The following FLII variants were observed in gnomAD, a reference collection of about 807,000 sequenced individuals.
FLII encodes FLII actin remodeling protein.
In FLII, 101 loss-of-function variants were observed where a neutral mutation model predicts 156.2. That is an observed-to-expected ratio of 0.65 (90% CI 0.55 to 0.76). The LOEUF is 0.76. Ranked by LOEUF, FLII falls within the 30% of genes least tolerant of loss-of-function variation. The probability of loss-of-function intolerance (pLI) is 0.00; values close to 1 mark genes in which losing one functional copy is unlikely to be tolerated. For missense variants in FLII, 1,675 were observed against 1,682.8 expected, an observed-to-expected ratio of 1.00 and a Z score of 0.08; for synonymous variants, 767 against 685.8, an observed-to-expected ratio of 1.12 and a Z score of -1.85.
rs766684929 is a variant in FLII, at chr17:18,255,296, G to A, written c.247-33C>T. Reference sequence around the variant, plus strand: ...TAAACCATAAGAGTCTATAATTCCTGGCTTCCACTCTCAGGAAGGAACAGA... The same window carrying A: ...TAAACCATAAGAGTCTATAATTCCTAGCTTCCACTCTCAGGAAGGAACAGA... On this transcript the variant is annotated intron_variant, in intron 3 of 29. Coordinates refer to ENST00000327031, the MANE Select transcript of FLII (RefSeq NM_002018.4). 3.8e-6 allele frequency: 6 copies of A among 1,566,220 alleles called. No homozygotes were observed. The South Asian group carries it at 5.6e-5, about 15-fold the overall frequency.
intron 11 of FLII, 37 bp downstream of exon 11, chr17:18,251,962 G>A: frequency 3.1e-6 from 5 of 1,605,878 alleles, no homozygotes; most frequent in Non-Finnish European, 3.4e-6. Context: ...GCCTGGAGAG[G>A]AGCCCCCGTT....
chr17:18,246,487 C>T, intron 23 of FLII, 25 bp from the exon 24 acceptor site: 1 of 1,613,316 alleles, frequency 6.2e-7, no homozygotes, highest in Non-Finnish European at 8.5e-7. Context: ...GTGTTAGGGG[C>T]AGCTCCCTGG....
chr17:18,254,584 C>T lies in FLII; in HGVS notation c.512G>A (p.Arg171His), dbSNP rs368159873. The stretch of plus-strand genomic sequence containing the variant: ...GAGCGTCTGCAGGTGCACCAGGCGG[C>T]GCATCTGCGGGGGCAGGCTCTCCAG... ...NRLESLPPQMRRLVHLQTLVL... is the reference protein window; with the variant it reads ...NRLESLPPQMHRLVHLQTLVL... The change falls in exon 6 of 30, where the codon CGC becomes CAC. Residue 171 changes from arginine (R) to histidine (H), a missense_variant. Transcript: ENST00000327031. 3.1e-6 allele frequency: 5 copies of T among 1,613,612 alleles called. No homozygotes were observed. Among genetic ancestry groups the T allele is most frequent in the Non-Finnish European group, 3.4e-6 (4 of 1,179,930 alleles).
At chr17:18,251,196 T>C (rs2071242) in intron 13 of FLII, 69 bp downstream of exon 13, 357,855 of 1,535,390 alleles carry the variant, frequency 0.23, 42,476 homozygotes, top group Middle Eastern at 0.28. Flanking sequence ...AACTCTGGAG[T>C]TGGGGACTGA....
At chr17:18,254,946 T>G in intron 4 of FLII, 92 bp from the exon 5 acceptor site, 13 of 1,319,622 alleles carry the variant, frequency 9.9e-6, no homozygotes, top group Non-Finnish European at 1.4e-5. Context: ...CTGAGTTGGG[T>G]GTGGGGGTAG....
rs767386496 is a variant in FLII, at chr17:18,245,437, G to T, written c.3610-18C>A. On this transcript the variant is annotated intron_variant, in intron 28 of 29. Transcript: ENST00000327031. ...ATGTAGACCTGTGGGGGCAGCAGGG[G>T]AGATACGGTTGCATGGGTGCCTGGG... 1 of 1,613,754 alleles carries T rather than the reference G, an allele frequency of 6.2e-7. No homozygotes were observed. The highest frequency in any genetic ancestry group is 1.3e-5 in the African/African-American group (1 of 74,936).
chr17:18,244,941 T>G lies in FLII; in HGVS notation c.*197A>C. On this transcript the variant is annotated 3_prime_UTR_variant, in exon 30 of 30. Coordinates refer to ENST00000327031, the MANE Select transcript of FLII (RefSeq NM_002018.4). Reference sequence around the variant, plus strand: ...GGGCTTCACACGTGCACTCACACTGTGGAGAGAGTTGGATTTCCCAGACCC... The same window carrying G: ...GGGCTTCACACGTGCACTCACACTGGGGAGAGAGTTGGATTTCCCAGACCC... 1 of 640,126 alleles carries G rather than the reference T, an allele frequency of 1.6e-6. No homozygotes were observed. The highest frequency in any genetic ancestry group is 2.8e-6 in the Non-Finnish European group (1 of 363,324). 39.7% of individuals were successfully genotyped at this position (640,126 alleles called of 1,614,324 possible).
rs148630982 is a variant in FLII, at chr17:18,247,264, C to T, written c.2581G>A (p.Gly861Arg). 11 of 1,611,618 alleles carry T rather than the reference C, an allele frequency of 6.8e-6. No individual in the cohort carries two copies. The highest frequency in any genetic ancestry group is 5.3e-5 in the African/African-American group (4 of 74,810). Residue 861 changes from glycine to arginine, a missense_variant, in exon 21 of 30, where the codon GGG becomes AGG. Transcript: ENST00000327031. ...TTCTCGGCGTCGCGTTTCACCTTCC[C>T]GGAGAGACCCGGGCTCTGCAGCACG... ...EAVLQSPGLS[G>R]KVKRDAEKKD... is the part of the protein sequence containing the mutation.
chr17:18,250,018 G>A (rs1044639139), intron 14 of FLII, among the ~76,000 whole-genome samples: 1 of 152,092 alleles, frequency 6.6e-6, no homozygotes, highest in African/African-American at 2.4e-5. Context: ...CTACTTGGGA[G>A]GCTGAGGCAG....
chr17:18,245,136 T>C lies in FLII; in HGVS notation c.*2A>G. On this transcript the variant is annotated 3_prime_UTR_variant, in exon 30 of 30. Transcript: ENST00000327031. ...CCAAGCCTGGGGCTGTGCCAGCCTG[T>C]CTTAGGCCAGGGCCTTGCAGAAGGC... 1 of 1,611,036 alleles carries C rather than the reference T, an allele frequency of 6.2e-7. No individual in the cohort carries two copies. Among genetic ancestry groups the C allele is most frequent in the Middle Eastern group, 1.7e-4 (1 of 6,044 alleles).
chr17:18,249,550 G>A, intron 14 of FLII, 142 bp from the exon 15 acceptor site: 3 of 677,870 alleles, frequency 4.4e-6, no homozygotes, highest in Non-Finnish European at 7.9e-6. Flanking sequence ...AGCACTTCAG[G>A]AGTCTGAGGT....
rs762906341 is a variant in FLII, at chr17:18,247,270, G to C, written c.2575C>G (p.Leu859Val). 2.5e-6 allele frequency: 4 copies of C among 1,612,092 alleles called. No homozygotes were observed. The highest frequency in any genetic ancestry group is 2.2e-5 in the South Asian group (2 of 91,056). Residue 859 changes from leucine (L) to valine (V), a missense_variant, in exon 21 of 30, where the codon CTC becomes GTC. By Grantham distance (32) the Leu-to-Val change is conservative. This residue lies in a region of FLII where 1,332 missense variants were observed against 1,269.3 expected (regional missense o/e 1.05). Transcript: ENST00000327031. ...GCGTCGCGTTTCACCTTCCCGGAGAGACCCGGGCTCTGCAGCACGGCCTCC... is the reference window on the plus strand; with the variant it reads ...GCGTCGCGTTTCACCTTCCCGGAGACACCCGGGCTCTGCAGCACGGCCTCC... ...NAEAVLQSPG[L>V]SGKVKRDAEK...
Position 18,253,348 on chromosome 17 carries a change from G to T in FLII, c.966C>A (p.Phe322Leu). 2 of 1,613,946 alleles carry T rather than the reference G, an allele frequency of 1.2e-6. No homozygotes were observed. Among genetic ancestry groups the T allele is most frequent in the Non-Finnish European group, 1.7e-6 (2 of 1,180,032 alleles). Reference protein sequence around the residue: ...GIGKLTNLEEFMAANNNLELV... With the variant: ...GIGKLTNLEELMAANNNLELV... ...GCTCCAGGTTGTTGTTGGCAGCCAT[G>T]AACTCTTCCAGGTTGGTGAGCTTGC... Residue 322 changes from phenylalanine (F) to leucine (L), a missense_variant, in exon 9 of 30, where the codon TTC becomes TTA. Phe to Leu is a conservative substitution (Grantham distance 22). Coordinates refer to ENST00000327031, the MANE Select transcript of FLII (RefSeq NM_002018.4).
At chr17:18,248,365 G>C (rs567506242) in intron 18 of FLII, among the ~76,000 whole-genome samples, 185 bp downstream of exon 18, 2 of 152,216 alleles carry the variant, frequency 1.3e-5, no homozygotes, top group South Asian at 2.1e-4. Flanking sequence ...GAAAGACTCC[G>C]TGAGGCTACT....
At chr17:18,252,416 C>T (rs1457493380) in intron 10 of FLII, 56 bp downstream of exon 10, 2 of 1,549,528 alleles carry the variant, frequency 1.3e-6, no homozygotes, top group East Asian at 2.2e-5. Flanking sequence ...CCCCTTGCTC[C>T]AGGGCACACC....
Position 18,245,218 on chromosome 17 carries a change from G to C in FLII, c.3730C>G (p.Leu1244Val). ...TGCTGCTCATTGCCCTTGCGGACCA[G>C]GCGCAGCCGGCGCGGCCGCTCATGT... is the stretch of plus-strand genomic sequence containing the variant. Reference protein sequence around the residue: ...KEHERPRRLRLVRKGNEQHAF... With the variant: ...KEHERPRRLRVVRKGNEQHAF... The change falls in exon 30 of 30, where the codon CTG becomes GTG. Residue 1244 changes from leucine (L) to valine (V), a missense_variant. By Grantham distance (32) the Leu-to-Val change is conservative. Around this residue, in one of 2 missense-constraint regions of FLII, gnomAD observed 1,332 missense variants for 1,269.3 expected, o/e 1.05. Coordinates refer to ENST00000327031, the MANE Select transcript of FLII (RefSeq NM_002018.4). 1 of 1,613,932 alleles carries C rather than the reference G, an allele frequency of 6.2e-7. No homozygotes were observed. Among genetic ancestry groups the C allele is most frequent in the Non-Finnish European group, 8.5e-7 (1 of 1,179,938 alleles).
In FLII at chr17:18,247,182, A is replaced by T. The variant is rs774976992; in HGVS notation, c.2663T>A (p.Met888Lys). The change falls in exon 21 of 30, where the codon ATG (methionine) becomes AAG (lysine). Residue 888 changes from methionine (M) to lysine (K), a missense_variant. Transcript: ENST00000327031. ...TALFLPRQPP[M>K]SLAEAEQLME... ...CCCTGCCCCCACCTCGGCCAGCGAC[A>T]TGGGCGGCTGCCGCGGCAGGAAAAG... is the stretch of plus-strand genomic sequence containing the variant. 22 of 1,379,972 alleles carry T rather than the reference A, an allele frequency of 1.6e-5. No homozygotes were observed. Among genetic ancestry groups the T allele is most frequent in the Non-Finnish European group, 2.1e-5 (22 of 1,056,296 alleles). 85.5% of individuals were successfully genotyped at this position (1,379,972 alleles called of 1,614,324 possible). A position where few individuals can be genotyped will look rare whatever the true frequency, so the allele number is the denominator to read the frequency against.
chr17:18,250,762 C>T, intron 14 of FLII, 76 bp downstream of exon 14: 1 of 1,502,080 alleles, frequency 6.7e-7, no homozygotes, highest in Non-Finnish European at 9.1e-7. Context: ...GCCTACCTGC[C>T]TTGGGCCCAC....
In FLII at chr17:18,254,761, C is replaced by T. The variant is rs757162051; in HGVS notation, c.413+8G>A. The T allele has an allele frequency of 6.2e-6, 10 of 1,613,978 alleles. No individual in the cohort carries two copies. The highest frequency in any genetic ancestry group is 2.2e-5 in the East Asian group (1 of 44,894). ...CCACCTGCCCCCTGCCCCCCACTGG[C>T]CTGGCACCTGTTGTGGCTGAGGTTC... On this transcript the variant is annotated splice_region_variant and intron_variant, in intron 5 of 29. Coordinates refer to ENST00000327031, the MANE Select transcript of FLII (RefSeq NM_002018.4).
Sources: allele counts gnomAD v4.1 joint callset (sites outside exome capture counted in the v4.1 genomes callset), GRCh38; gene constraint gnomAD v4.1.1; regional missense constraint gnomAD v4.1.1; transcripts MANE v1.5; gene names NCBI Gene and HGNC (gene_info 2026-07-23, HGNC 2026-07-21).